The following CD6 variants were observed in gnomAD, a reference collection of about 807,000 sequenced individuals.
The protein encoded by CD6 is T-cell differentiation antigen CD6.
Under a neutral mutation model 75.3 loss-of-function variants are expected in CD6, and 53 were observed. The observed-to-expected ratio is 0.70, with a 90% confidence interval of 0.56 to 0.88. The LOEUF (loss-of-function observed/expected upper bound fraction) is 0.88, where lower values mean the gene tolerates loss of function less well. Ranked by LOEUF, CD6 falls within the 40% of genes least tolerant of loss-of-function variation. The probability of loss-of-function intolerance (pLI) is 0.00; values close to 1 mark genes in which losing one functional copy is unlikely to be tolerated. For missense variants in CD6, 770 were observed against 897.1 expected, an observed-to-expected ratio of 0.86 and a Z score of 1.81; for synonymous variants, 359 against 381.5, an observed-to-expected ratio of 0.94 and a Z score of 0.69.
At position 61,009,565 on chromosome 11, in the gene CD6, C is replaced by T. The variant is rs139706068; in HGVS notation, c.782-7C>T. 4.3e-5 allele frequency: 69 copies of T among 1,590,652 alleles called. 1 individual carries two copies. The African/African-American group carries it at 7.9e-4, about 18-fold the overall frequency. ...ACCTGACTCTGTCCCCTGCCCCTTC[C>T]CTGCAGAGCACCAGTCCTGGCGCCT... On this transcript the variant is annotated splice_polypyrimidine_tract_variant and splice_region_variant and intron_variant, in intron 4 of 12. Coordinates refer to ENST00000313421, the MANE Select transcript of CD6 (RefSeq NM_006725.5).
intron 3 of CD6, 92 bp downstream of exon 3, chr11:61,008,002 C>T (rs1356885349): frequency 1.2e-6 from 1 of 863,920 alleles, no homozygotes; most frequent in African/African-American, 1.8e-5. Flanking sequence ...ACGCAAGCCT[C>T]GCCCTCCAGA....
chr11:60,984,054 C>T (rs1026032195), intron 1 of CD6, among the ~76,000 whole-genome samples: 1 of 151,962 alleles, frequency 6.6e-6, no homozygotes, highest in African/African-American at 2.4e-5. Context: ...GTCCCCTCTC[C>T]GGTGGTCTAA....
At chr11:60,982,849 C>A in intron 1 of CD6, 1 of 414,030 alleles carries the variant, frequency 2.4e-6, no homozygotes. Context: ...CTTTCCAGGG[C>A]CTCTTCCCAC....
At chr11:60,975,480 T>C (rs1264819465) in intron 1 of CD6, among the ~76,000 whole-genome samples, 1 of 152,192 alleles carries the variant, frequency 6.6e-6, no homozygotes, top group Non-Finnish European at 1.5e-5. Context: ...CACAATTAAG[T>C]TTACATATTC....
In CD6 at chr11:61,006,595, C is replaced by G. The variant is rs1214557753; in HGVS notation, c.71C>G (p.Pro24Arg). 5 of 1,609,958 alleles carry G rather than the reference C, an allele frequency of 3.1e-6. No individual in the cohort carries two copies. The Middle Eastern group carries it at 5.0e-4, about 160-fold the overall frequency. The change falls in exon 2 of 13, where the codon CCT becomes CGT. Residue 24 changes from proline (P) to arginine (R), a missense_variant. Transcript: ENST00000313421. ...ALSGHPSPAP[P>R]DQLNTSSAES... ...TCAGGTCATCCATCTCCAGCCCCAC[C>G]TGACCAGCTCAACACCAGCAGTGCA...
In CD6 at chr11:60,998,845, G is replaced by A. The variant is rs1392903399; in HGVS notation, c.50-7729G>A. ...ATTTGAAAAAATTAGAACAACACAA[G>A]GCAGAAAAAAAAAAAAAAAAAAAGG... On this transcript the variant is annotated intron_variant, in intron 1 of 12. Coordinates refer to ENST00000313421, the MANE Select transcript of CD6 (RefSeq NM_006725.5). Among the ~76,000 whole-genome samples, 9 of 90,914 alleles carry A rather than the reference G, an allele frequency of 9.9e-5. No individual in the cohort carries two copies. In the South Asian group the frequency reaches 5.3e-3, roughly 54 times the overall value. 59.6% of individuals were successfully genotyped at this position (90,914 alleles called of 152,430 possible).
intron 1 of CD6, chr11:60,984,913 T>C (rs894870549): frequency 6.6e-6 from 1 of 152,254 alleles, no homozygotes; most frequent in East Asian, 1.9e-4. Flanking sequence ...CTTGAGGGCA[T>C]AGATAATAGG....
At chr11:61,015,103 C>T (rs1004642385) in intron 8 of CD6, among the ~76,000 whole-genome samples, 1 of 152,072 alleles carries the variant, frequency 6.6e-6, no homozygotes, top group Non-Finnish European at 1.5e-5. Flanking sequence ...TAATAATGTA[C>T]CCACTTCACA....
intron 1 of CD6, among the ~76,000 whole-genome samples, chr11:61,005,016 TC>T (rs997694490): frequency 6.6e-6 from 1 of 152,102 alleles, no homozygotes; most frequent in Non-Finnish European, 1.5e-5. Flanking sequence ...CCCCAGAGCC[TC>T]CCTTTGTGCT....
chr11:61,008,153 T>C (rs1277692975), intron 3 of CD6, among the ~76,000 whole-genome samples: 1 of 152,104 alleles, frequency 6.6e-6, no homozygotes, highest in Admixed American at 6.5e-5. Flanking sequence ...GTCCCACCCC[T>C]GGGTTCCCAA....
chr11:60,972,189 G>C (rs1284952310), intron 1 of CD6, among the ~76,000 whole-genome samples: 2 of 152,152 alleles, frequency 1.3e-5, no homozygotes, highest in Non-Finnish European at 2.9e-5. Flanking sequence ...TGAGGAGGGA[G>C]GTGCCTCTCC....
chr11:60,987,938 G>C (rs1225427438), intron 1 of CD6: 2 of 152,262 alleles, frequency 1.3e-5, no homozygotes, highest in African/African-American at 4.8e-5. Context: ...GCCTAGCTGA[G>C]AGAATGGAAT....
chr11:60,976,142 A>G lies in CD6; in HGVS notation c.49+4228A>G, dbSNP rs117702440. 5.6e-4 allele frequency among the ~76,000 whole-genome samples: 85 copies of G among 152,306 alleles called. No individual in the cohort carries two copies. In the East Asian group the frequency reaches 0.015, roughly 28 times the overall value. On this transcript the variant is annotated intron_variant, in intron 1 of 12. Coordinates refer to ENST00000313421, the MANE Select transcript of CD6 (RefSeq NM_006725.5). ...ACTGGAGTGTTGTACATTGTACCCA[A>G]TAAGTAATTTTCATTCCTCACTCCC...
At chr11:60,976,192 T>C (rs1373839523) in intron 1 of CD6, among the ~76,000 whole-genome samples, 1 of 152,192 alleles carries the variant, frequency 6.6e-6, no homozygotes, top group Non-Finnish European at 1.5e-5. Flanking sequence ...CCTTTTGGAA[T>C]CTCTGATGTC....
Position 61,015,968 on chromosome 11 carries a change from G to A in CD6, c.1510+133G>A, listed in dbSNP as rs1859385183. 4.7e-5 allele frequency: 54 copies of A among 1,146,494 alleles called. No homozygotes were observed. The South Asian group carries it at 8.0e-4, about 17-fold the overall frequency. The allele number at this position is 1,146,494 out of a possible 1,614,324, so 71.0% of individuals were successfully genotyped here. A position where few individuals can be genotyped will look rare whatever the true frequency, so the allele number is the denominator to read the frequency against. On this transcript the variant is annotated intron_variant, in intron 9 of 12. Coordinates refer to ENST00000313421, the MANE Select transcript of CD6 (RefSeq NM_006725.5). ...GACAGAATCCCCCTGGTTACCCACT[G>A]GATTGACTGTAAATGGTCCTACACT...
chr11:60,992,689 A>G (rs748736789), intron 1 of CD6, among the ~76,000 whole-genome samples: 7 of 151,966 alleles, frequency 4.6e-5, no homozygotes, highest in Non-Finnish European at 1.0e-4. Flanking sequence ...TTAGCCGAGC[A>G]TGGTGGCGTG....
In CD6 at chr11:61,007,750, G is replaced by A. The variant is rs934070374; in HGVS notation, c.309G>A (p.Glu103=). 3.5e-6 allele frequency: 5 copies of A among 1,446,404 alleles called. No individual in the cohort carries two copies. Among genetic ancestry groups the A allele is most frequent in the Non-Finnish European group, 4.6e-6 (5 of 1,098,014 alleles). 89.6% of individuals were successfully genotyped at this position (1,446,404 alleles called of 1,614,324 possible). The part of the protein sequence containing the change: ...AASQLAPPTP[E]LPPPPAAGNT... Reference sequence around the variant, plus strand: ...CTCAGCTCGCCCCGCCGACCCCTGAGCTGCCGCCCCCGCCTGCAGCCGGGA... The same window carrying A: ...CTCAGCTCGCCCCGCCGACCCCTGAACTGCCGCCCCCGCCTGCAGCCGGGA... The change falls in exon 3 of 13, where the codon GAG becomes GAA. Residue 103 remains glutamate, a synonymous_variant. Transcript: ENST00000313421. The surrounding 1 kb of genome is among the most constrained non-coding windows in gnomAD (Gnocchi z 4.2).
chr11:61,000,006 C>A (rs1352436398), intron 1 of CD6, among the ~76,000 whole-genome samples: 1 of 151,858 alleles, frequency 6.6e-6, no homozygotes, highest in Non-Finnish European at 1.5e-5. Flanking sequence ...GAACCGAGAT[C>A]GCATCACTGC....
intron 9 of CD6, chr11:61,017,236 C>G: frequency 1.9e-6 from 1 of 535,274 alleles, no homozygotes; most frequent in Non-Finnish European, 3.4e-6. Context: ...ACAGCTGGGG[C>G]TGGGGGCTGG....
Sources: allele counts gnomAD v4.1 joint callset (sites outside exome capture counted in the v4.1 genomes callset), GRCh38; gene constraint gnomAD v4.1.1; non-coding constraint Gnocchi (gnomAD v3.1); transcripts MANE v1.5; gene names NCBI Gene and HGNC (gene_info 2026-07-23, HGNC 2026-07-21).